SLIT3: variants seen among roughly 807,000 people sequenced by gnomAD.
The protein encoded by SLIT3 is slit homolog 3 protein.
SLIT3 carries 68 observed loss-of-function variants against 184.0 expected under a neutral mutation model. The ratio of observed to expected loss-of-function variants is 0.37; its 90% confidence interval spans 0.30 to 0.45. The LOEUF (loss-of-function observed/expected upper bound fraction) is 0.45. SLIT3 is among the 20% of genes least tolerant of loss of function. The pLI is 1.00. For missense variants in SLIT3, 1,707 were observed against 2,026.0 expected (o/e 0.84, Z 3.02); for synonymous variants, 831 against 828.6 (o/e 1.00, Z -0.05).
intron 4 of SLIT3, among the ~76,000 whole-genome samples, chr5:169,086,072 G>A (rs1177956112): frequency 1.3e-5 from 2 of 152,130 alleles, no homozygotes; most frequent in Non-Finnish European, 2.9e-5. Flanking sequence ...TAAAGCCAAC[G>A]GCCTTTCCTC....
At chr5:168,857,377 T>C (rs1169797969) in intron 5 of SLIT3, among the ~76,000 whole-genome samples, 1 of 108,382 alleles carries the variant, frequency 9.2e-6, no homozygotes, top group Non-Finnish European at 2.2e-5. Flanking sequence ...TTTTTGTTTT[T>C]GTTTTGTTTT....
intron 1 of SLIT3, among the ~76,000 whole-genome samples, chr5:169,254,689 T>C (rs1479404015): frequency 6.6e-6 from 1 of 151,974 alleles, no homozygotes; most frequent in African/African-American, 2.4e-5. Context: ...TGAGCTGCCA[T>C]ATGAGAAAAG....
chr5:168,767,225 G>A (rs559082921), intron 14 of SLIT3, among the ~76,000 whole-genome samples: 53 of 152,278 alleles, frequency 3.5e-4, no homozygotes, highest in Non-Finnish European at 6.0e-4. Flanking sequence ...GATAGACGAG[G>A]TAATAAGAGT....
chr5:168,776,703 C>T (rs999109561), intron 12 of SLIT3, among the ~76,000 whole-genome samples: 4 of 152,162 alleles, frequency 2.6e-5, no homozygotes, highest in African/African-American at 9.7e-5. Flanking sequence ...AAATTTTAGT[C>T]AGTGTCACTG....
intron 4 of SLIT3, among the ~76,000 whole-genome samples, chr5:169,097,552 T>C (rs914536625): frequency 6.6e-6 from 1 of 152,228 alleles, no homozygotes; most frequent in Non-Finnish European, 1.5e-5. Flanking sequence ...GCTTTCACCT[T>C]TTTGGGACAG....
At chr5:168,789,494 T>C (rs1482118497) in intron 11 of SLIT3, 66 bp downstream of exon 11, 3 of 1,222,916 alleles carry the variant, frequency 2.5e-6, no homozygotes, top group Non-Finnish European at 3.6e-6. Context: ...GAAATATGGT[T>C]GCGTCTCTCT....
At chr5:168,978,341 G>A (rs906161153) in intron 4 of SLIT3, among the ~76,000 whole-genome samples, 39 of 152,190 alleles carry the variant, frequency 2.6e-4, no homozygotes, top group Admixed American at 2.0e-3. Context: ...AGCTCTCTAC[G>A]CTGCACTGGT....
chr5:168,913,614 C>T lies in SLIT3; in HGVS notation c.414-30278G>A, dbSNP rs973658909. The stretch of plus-strand genomic sequence containing the variant: ...AAAACCCTGTCTCTACAGTGGCAGG[C>T]GCCTGTAATCCCATCTACTCGGGAG... On this transcript the variant is annotated intron_variant, in intron 4 of 35. Transcript: ENST00000519560. Among the ~76,000 whole-genome samples the T allele has an allele frequency of 1.1e-4, 17 of 151,732 alleles. No individual in the cohort carries two copies. The South Asian group carries it at 1.7e-3, about 15-fold the overall frequency.
In SLIT3 at chr5:168,665,644, A is replaced by AATAGTCAG. The variant is rs1291485852; in HGVS notation, c.*802_*809dup. On this transcript the variant is annotated 3_prime_UTR_variant, in exon 36 of 36. Coordinates refer to ENST00000519560, the MANE Select transcript of SLIT3 (RefSeq NM_003062.4). The stretch of plus-strand genomic sequence containing the variant: ...CCAAATGACACCTGTAGCAGACTTC[A>AATAGTCAG]ATAGTCAGTCCTCGATTGGAAGCCA... 2 of 152,426 alleles carry AATAGTCAG rather than the reference A, an allele frequency of 1.3e-5. No homozygotes were observed. Among genetic ancestry groups the AATAGTCAG allele is most frequent in the Non-Finnish European group, 2.9e-5 (2 of 68,206 alleles). The allele number at this position is 152,426 out of a possible 1,614,324, so 9.4% of individuals were successfully genotyped here. A position where few individuals can be genotyped will look rare whatever the true frequency, so the allele number is the denominator to read the frequency against.
chr5:168,986,350 T>C (rs1755128566), intron 4 of SLIT3, among the ~76,000 whole-genome samples: 1 of 151,970 alleles, frequency 6.6e-6, no homozygotes, highest in African/African-American at 2.4e-5. Context: ...TTCCCAGTGG[T>C]GTAGATAAGG....
At chr5:169,056,743 A>C (rs1249154728) in intron 4 of SLIT3, among the ~76,000 whole-genome samples, 1 of 152,230 alleles carries the variant, frequency 6.6e-6, no homozygotes, top group Non-Finnish European at 1.5e-5. Flanking sequence ...TTTAAGAGAC[A>C]AGGGAGCAGA....
chr5:168,756,345 G>T (rs1754946301), intron 16 of SLIT3, among the ~76,000 whole-genome samples: 1 of 152,236 alleles, frequency 6.6e-6, no homozygotes, highest in African/African-American at 2.4e-5. Flanking sequence ...ACTCAATGCA[G>T]GCTGACTGCC....
intron 4 of SLIT3, among the ~76,000 whole-genome samples, chr5:169,139,493 C>G (rs1761645558): frequency 2.0e-5 from 3 of 152,124 alleles, no homozygotes; most frequent in Admixed American, 2.0e-4. Context: ...GCCTGGGTTA[C>G]ACAGCTAGCC....
chr5:168,897,953 G>A (rs1338721817), intron 4 of SLIT3, among the ~76,000 whole-genome samples: 10 of 152,254 alleles, frequency 6.6e-5, no homozygotes, highest in Admixed American at 2.0e-4. Flanking sequence ...AGGTCGGCTG[G>A]GGCTTCCCCT....
At position 169,273,650 on chromosome 5, in the gene SLIT3, A is replaced by AGGT. The variant is rs548215556; in HGVS notation, c.198-22194_198-22192dup. Among the ~76,000 whole-genome samples the AGGT allele has an allele frequency of 3.9e-3, 594 of 152,290 alleles. 2 individuals are homozygous for AGGT. The highest frequency in any genetic ancestry group is 4.3e-3 in the Non-Finnish European group (293 of 68,026). On this transcript the variant is annotated intron_variant, in intron 1 of 35. Transcript: ENST00000519560. ...AGCTAGGGTTGAGAATCATTGTTGG[A>AGGT]GGTGAACGGCAAGTCTTGGAAAATT...
At chr5:168,880,238 C>T (rs1344035546) in intron 5 of SLIT3, among the ~76,000 whole-genome samples, 1 of 152,204 alleles carries the variant, frequency 6.6e-6, no homozygotes, top group Non-Finnish European at 1.5e-5. Context: ...CCCGGTTCCC[C>T]TTCCAGAACA....
chr5:168,740,229 G>GAATGTGAGA (rs1209987524), intron 20 of SLIT3, among the ~76,000 whole-genome samples: 13 of 152,284 alleles, frequency 8.5e-5, no homozygotes, highest in South Asian at 6.2e-4. Flanking sequence ...TTGCAAGACT[G>GAATGTGAGA]AATGTGAGAA....
In SLIT3 at chr5:168,844,649, C is replaced by T. The variant is rs1758392172; in HGVS notation, c.492G>A (p.Leu164=). 1 of 1,614,168 alleles carries T rather than the reference C, an allele frequency of 6.2e-7. No homozygotes were observed. Among genetic ancestry groups the T allele is most frequent in the Non-Finnish European group, 8.5e-7 (1 of 1,180,038 alleles). Residue 164 remains leucine, a synonymous_variant, in exon 6 of 36, where the codon CTG becomes CTA. Coordinates refer to ENST00000519560, the MANE Select transcript of SLIT3 (RefSeq NM_003062.4). The part of the protein sequence containing the change: ...RGITDVKNLQ[L]DNNHISCIED... ...CAATGCAGCTGATGTGGTTGTTGTC[C>T]AGTTGCCTGTGGAAAAGCAGGGGAG...
chr5:169,239,230 GAATT>G (rs1458874993), intron 3 of SLIT3, among the ~76,000 whole-genome samples: 19 of 152,078 alleles, frequency 1.2e-4, no homozygotes, highest in African/African-American at 4.3e-4. Context: ...ACCTATAACT[GAATT>G]AATTTGCTAG....
Sources: gnomAD v4.1 joint callset for allele counts (sites outside exome capture counted in the v4.1 genomes callset) on GRCh38, gnomAD v4.1.1 for gene constraint, MANE v1.5 for transcripts, NCBI Gene and HGNC (gene_info 2026-07-23, HGNC 2026-07-21) for gene names.